WDR37: variants seen among roughly 807,000 people sequenced by gnomAD.
WDR37 encodes the protein WD repeat domain 37.
WDR37 carries 19 observed loss-of-function variants against 62.9 expected under a neutral mutation model. The observed-to-expected ratio is 0.30, with a 90% CI of 0.21 to 0.44. The LOEUF (loss-of-function observed/expected upper bound fraction) is 0.44. WDR37 is among the 20% of genes least tolerant of loss of function. The probability of loss-of-function intolerance (pLI) is 1.00; values close to 1 mark genes in which losing one functional copy is unlikely to be tolerated. For missense variants in WDR37, 474 were observed against 657.6 expected (o/e 0.72, Z 3.05); for synonymous variants, 250 against 260.9 (o/e 0.96, Z 0.40).
At chr10:1,070,665 A>G (rs1460869945) in intron 1 of WDR37, among the ~76,000 whole-genome samples, 1 of 152,200 alleles carries the variant, frequency 6.6e-6, no homozygotes, top group African/African-American at 2.4e-5. Context: ...TAATAAACTG[A>G]ATAGGAAAGA....
intron 9 of WDR37, among the ~76,000 whole-genome samples, chr10:1,097,878 C>T (rs1310177548): frequency 6.6e-6 from 1 of 152,230 alleles, no homozygotes; most frequent in Non-Finnish European, 1.5e-5. Flanking sequence ...GTTTGGGTTC[C>T]GTGGTTTACG....
chr10:1,076,065 C>G (rs746175529), intron 2 of WDR37, among the ~76,000 whole-genome samples: 3 of 152,192 alleles, frequency 2.0e-5, no homozygotes, highest in Non-Finnish European at 4.4e-5. Context: ...CAGGCGTGAG[C>G]CACTGTGCCT....
intron 13 of WDR37, among the ~76,000 whole-genome samples, chr10:1,128,816 C>T (rs956015856): frequency 6.6e-6 from 1 of 151,456 alleles, no homozygotes; most frequent in Non-Finnish European, 1.5e-5. Context: ...CTCGGCGGTC[C>T]ATGCTCGGCG....
chr10:1,104,662 G>A (rs1834946606), intron 10 of WDR37, among the ~76,000 whole-genome samples: 1 of 152,176 alleles, frequency 6.6e-6, no homozygotes, highest in African/African-American at 2.4e-5. Flanking sequence ...AAGGGTGTTA[G>A]GCATGTACGG....
Position 1,085,235 on chromosome 10 carries a change from G to C in WDR37, c.532+697G>C, listed in dbSNP as rs1006713553. Among the ~76,000 whole-genome samples, 12 of 152,098 alleles carry C rather than the reference G, an allele frequency of 7.9e-5. No homozygotes were observed. In the East Asian group the frequency reaches 2.3e-3, roughly 29 times the overall value. ...GATCTGCCTGCCTTGGGCTCCCAAA[G>C]TGTTGGGATTACAGGCGTGAGCCAT... On this transcript the variant is annotated intron_variant, in intron 6 of 13. Coordinates refer to ENST00000263150, the MANE Select transcript of WDR37 (RefSeq NM_014023.4).
intron 7 of WDR37, among the ~76,000 whole-genome samples, chr10:1,090,627 G>A (rs1450199580): frequency 1.3e-5 from 2 of 152,142 alleles, no homozygotes; most frequent in Middle Eastern, 6.3e-3. Context: ...TCCCCGCTCT[G>A]GCCCCCAGGA....
chr10:1,077,823 AAGAT>A, intron 2 of WDR37, 80 bp from the exon 3 acceptor site: 1 of 991,918 alleles, frequency 1.0e-6, no homozygotes, highest in Middle Eastern at 2.9e-4. Flanking sequence ...TTTACAATAA[AAGAT>A]AATTCACTTT....
chr10:1,117,376 C>T (rs1835434566), intron 11 of WDR37, among the ~76,000 whole-genome samples: 1 of 152,152 alleles, frequency 6.6e-6, no homozygotes, highest in South Asian at 2.1e-4. Flanking sequence ...ATTTTAAAGT[C>T]GCTTCCAAGT....
rs776588127 is a variant in WDR37 at position 1,072,218 on chromosome 10, T to C, written c.63T>C (p.His21=). 11 of 1,614,030 alleles carry C rather than the reference T, an allele frequency of 6.8e-6. No homozygotes were observed. Among genetic ancestry groups the C allele is most frequent in the Non-Finnish European group, 8.5e-6 (10 of 1,180,022 alleles). ...ARQTKQKRKS[H]SLSIRRTNSS... ...AAACAAAACAGAAGCGCAAATCCCA[T>C]AGCCTTTCTATACGAAGAACTAACA... is the stretch of plus-strand genomic sequence containing the variant. The change falls in exon 2 of 14, where the codon CAT becomes CAC. Residue 21 remains histidine, a synonymous_variant. Coordinates refer to ENST00000263150, the MANE Select transcript of WDR37 (RefSeq NM_014023.4).
intron 11 of WDR37, among the ~76,000 whole-genome samples, chr10:1,122,061 G>A (rs1835597995): frequency 6.6e-6 from 1 of 152,110 alleles, no homozygotes; most frequent in South Asian, 2.1e-4. Context: ...CTTTGTGACT[G>A]CGTGGTGCTT....
chr10:1,079,092 TTTTTTTTTTTGA>T (rs1374275478), intron 3 of WDR37, among the ~76,000 whole-genome samples: 7 of 28,252 alleles, frequency 2.5e-4, no homozygotes, highest in African/African-American at 5.2e-4. Flanking sequence ...AACTTTTTTG[TTTTTTTTTTTGA>T]GACAAAATCT....
intron 1 of WDR37, among the ~76,000 whole-genome samples, chr10:1,063,083 TAA>T (rs57894038): frequency 1.2e-4 from 17 of 137,508 alleles, no homozygotes; most frequent in Admixed American, 7.4e-5. Flanking sequence ...GACACTCTGT[TAA>T]AAAAAAAAAA....
At chr10:1,077,015 A>G (rs1833899706) in intron 2 of WDR37, among the ~76,000 whole-genome samples, 1 of 152,090 alleles carries the variant, frequency 6.6e-6, no homozygotes. Flanking sequence ...AAAAAAAAAA[A>G]AGGTAAGTAT....
At chr10:1,102,596 G>C (rs563886616) in intron 9 of WDR37, among the ~76,000 whole-genome samples, 3 of 152,056 alleles carry the variant, frequency 2.0e-5, no homozygotes, top group Admixed American at 1.3e-4. Context: ...GGGGCGGGGG[G>C]TGCCCCACAT....
Position 1,106,234 on chromosome 10 carries a change from T to G in WDR37, c.1103+967T>G, listed in dbSNP as rs181196700. On this transcript the variant is annotated intron_variant, in intron 11 of 13. Coordinates refer to ENST00000263150, the MANE Select transcript of WDR37 (RefSeq NM_014023.4). Reference sequence around the variant, plus strand: ...CTGGTTCTTCTCTTTTAATCTCTGTTCCCCGTTCCCCCATCATGCCCCACT... The same window carrying G: ...CTGGTTCTTCTCTTTTAATCTCTGTGCCCCGTTCCCCCATCATGCCCCACT... Among the ~76,000 whole-genome samples, 360 of 152,054 alleles carry G rather than the reference T, an allele frequency of 2.4e-3. 4 individuals are homozygous for G. The highest frequency in any genetic ancestry group is 1.4e-3 in the Non-Finnish European group (97 of 67,994).
intron 13 of WDR37, among the ~76,000 whole-genome samples, chr10:1,127,553 G>A (rs1393335606): frequency 2.6e-5 from 4 of 152,336 alleles, no homozygotes; most frequent in Non-Finnish European, 5.9e-5. Flanking sequence ...GAGTGAAAGG[G>A]ACTGATTGAA....
chr10:1,093,467 T>G lies in WDR37; in HGVS notation c.620T>G (p.Phe207Cys), dbSNP rs1232611770. 1.9e-6 allele frequency: 3 copies of G among 1,608,680 alleles called. No individual in the cohort carries two copies. The highest frequency in any genetic ancestry group is 2.5e-6 in the Non-Finnish European group (3 of 1,178,484). ...GHVGSVNSIK[F>C]HPSEQLALTA... ...TATTTTGCAGTAAATTCTATCAAATTTCATCCCTCAGAGCAGTTGGCTCTC... is the reference window on the plus strand; with the variant it reads ...TATTTTGCAGTAAATTCTATCAAATGTCATCCCTCAGAGCAGTTGGCTCTC... Residue 207 changes from phenylalanine (F) to cysteine (C), a missense_variant, in exon 8 of 14, where the codon TTT (phenylalanine) becomes TGT (cysteine). Coordinates refer to ENST00000263150, the MANE Select transcript of WDR37 (RefSeq NM_014023.4).
intron 10 of WDR37, among the ~76,000 whole-genome samples, chr10:1,104,148 C>T (rs1188351938): frequency 6.6e-6 from 1 of 152,186 alleles, no homozygotes; most frequent in East Asian, 1.9e-4. Flanking sequence ...GAATTGACGG[C>T]CTCATGGTTT....
chr10:1,121,085 G>A lies in WDR37; in HGVS notation c.1104-3133G>A, dbSNP rs150521253. Among the ~76,000 whole-genome samples, 726 of 152,314 alleles carry A rather than the reference G, an allele frequency of 4.8e-3. 3 individuals carry two copies. The highest frequency in any genetic ancestry group is 7.1e-3 in the Non-Finnish European group (484 of 68,024). On this transcript the variant is annotated intron_variant, in intron 11 of 13. Coordinates refer to ENST00000263150, the MANE Select transcript of WDR37 (RefSeq NM_014023.4). This position sits in a 1 kb window ranked among gnomAD's most constrained non-coding sequence, Gnocchi z 4.5. ...AACCATTTCCAGTGCACGGCCGTGC[G>A]CGCCAGCCTCCCCATGGGACCTGTG...
Sources: allele counts gnomAD v4.1 joint callset (sites outside exome capture counted in the v4.1 genomes callset), GRCh38; gene constraint gnomAD v4.1.1; non-coding constraint Gnocchi (gnomAD v3.1); transcripts MANE v1.5; gene names NCBI Gene and HGNC (gene_info 2026-07-23, HGNC 2026-07-21).